Variants in SMC1B observed in about 807,000 individuals in gnomAD.
The protein encoded by SMC1B is structural maintenance of chromosomes protein 1B.
In SMC1B, 60 loss-of-function variants were observed where a neutral mutation model predicts 157.9. The ratio of observed to expected loss-of-function variants is 0.38; its 90% CI spans 0.31 to 0.47. The LOEUF (loss-of-function observed/expected upper bound fraction) is 0.47. Among genes scored for constraint, SMC1B ranks in the 20% least tolerant of loss-of-function variants. SMC1B has a pLI of 0.99. For missense variants in SMC1B, 1,165 were observed against 1,426.2 expected (o/e 0.82, Z 2.95); for synonymous variants, 445 against 483.0 (o/e 0.92, Z 1.03).
rs750147692 is a variant in SMC1B, at chr22:45,362,971, T to G, written c.2476A>C (p.Ser826Arg). ...TTATTCAGTTTCTTCTTAAGGTGAC[T>G]GCGACTATACTCAAGTTGAACATTA... ...RLNVQLEYSR[S>R]HLKKKLNKIN... Residue 826 changes from serine (S) to arginine (R), a missense_variant, in exon 16 of 25, where the codon AGT (serine) becomes CGT (arginine). Coordinates refer to ENST00000357450, the MANE Select transcript of SMC1B (RefSeq NM_148674.5). The G allele has an allele frequency of 1.2e-6, 2 of 1,602,064 alleles. No homozygotes were observed. Among genetic ancestry groups the G allele is most frequent in the Non-Finnish European group, 1.7e-6 (2 of 1,175,508 alleles).
chr22:45,362,313 G>A (rs1009703895), intron 16 of SMC1B, among the ~76,000 whole-genome samples: 6 of 151,998 alleles, frequency 3.9e-5, no homozygotes, highest in Admixed American at 3.9e-4. Flanking sequence ...AGACTTTTAC[G>A]TTTTTGACAG....
intron 5 of SMC1B, among the ~76,000 whole-genome samples, chr22:45,401,043 G>A (rs993343875): frequency 1.3e-5 from 2 of 152,040 alleles, no homozygotes; most frequent in African/African-American, 4.8e-5. Context: ...AATGTAATAT[G>A]GTATTCTGGA....
At chr22:45,393,493 A>T in intron 9 of SMC1B, 141 bp downstream of exon 9, 1 of 653,732 alleles carries the variant, frequency 1.5e-6, no homozygotes, top group Non-Finnish European at 2.5e-6. Context: ...ATAAAGAGTC[A>T]AACACAAAAC....
intron 1 of SMC1B, among the ~76,000 whole-genome samples, chr22:45,412,924 T>C (rs2087363051): frequency 6.6e-6 from 1 of 152,074 alleles, no homozygotes; most frequent in Non-Finnish European, 1.5e-5. Flanking sequence ...TCACTTCAAC[T>C]TCGGATGAGA....
At chr22:45,389,000 AAAAAG>A (rs1465883165) in intron 10 of SMC1B, among the ~76,000 whole-genome samples, 9 of 148,966 alleles carry the variant, frequency 6.0e-5, no homozygotes, top group African/African-American at 2.0e-4. Context: ...AAAAAAAAAA[AAAAAG>A]AAAAAGAAAA....
intron 12 of SMC1B, among the ~76,000 whole-genome samples, chr22:45,380,750 G>A (rs146504139): frequency 6.8e-4 from 103 of 151,874 alleles, no homozygotes; most frequent in African/African-American, 2.2e-3. Context: ...AGGCCCTGTC[G>A]CTACAAAAAA....
Position 45,399,087 on chromosome 22 carries a change from T to C in SMC1B, c.1113+8A>G. On this transcript the variant is annotated splice_region_variant and intron_variant, in intron 6 of 24. Coordinates refer to ENST00000357450, the MANE Select transcript of SMC1B (RefSeq NM_148674.5). Reference sequence around the variant, plus strand: ...ACACAAGATTTCCCCTAAGTTGTCCTTTTTTACCTGACTGGCTTCCAGTTC... The same window carrying C: ...ACACAAGATTTCCCCTAAGTTGTCCCTTTTTACCTGACTGGCTTCCAGTTC... The C allele has an allele frequency of 1.9e-6, 3 of 1,607,746 alleles. No individual in the cohort carries two copies. The highest frequency in any genetic ancestry group is 2.5e-6 in the Non-Finnish European group (3 of 1,178,558).
In SMC1B at chr22:45,383,474, T is replaced by G. The variant is rs2086958368; in HGVS notation, c.2051A>C (p.Glu684Ala). The G allele has an allele frequency of 6.3e-7, 1 of 1,595,806 alleles. No homozygotes were observed. Among genetic ancestry groups the G allele is most frequent in the Non-Finnish European group, 8.5e-7 (1 of 1,174,880 alleles). Residue 684 changes from glutamate to alanine, a missense_variant, in exon 12 of 25, where the codon GAG becomes GCG. Physicochemically the swap from Glu to Ala is moderately radical, Grantham distance 107 (BLOSUM62 -1). Coordinates refer to ENST00000357450, the MANE Select transcript of SMC1B (RefSeq NM_148674.5). ...TTTATGACATGGATTTACCTTTAGC[T>G]CTTGGATTTTCTGGCTTCGTCTGTC... ...LRDRRSQKIQ[E>A]LKGLMKTLRK...
intron 23 of SMC1B, among the ~76,000 whole-genome samples, chr22:45,348,935 C>T (rs1275893364): frequency 1.3e-5 from 2 of 151,790 alleles, no homozygotes; most frequent in South Asian, 4.2e-4. Context: ...AACTCTTGGA[C>T]TCAAGCAATC....
intron 12 of SMC1B, among the ~76,000 whole-genome samples, chr22:45,382,682 A>C (rs1401761994): frequency 6.6e-6 from 1 of 152,238 alleles, no homozygotes; most frequent in Non-Finnish European, 1.5e-5. Context: ...TATGACTAAG[A>C]ACTAATTTAC....
chr22:45,387,163 A>T (rs2086998311), intron 10 of SMC1B, 117 bp from the exon 11 acceptor site: 1 of 905,514 alleles, frequency 1.1e-6, no homozygotes, highest in African/African-American at 1.7e-5. Context: ...AACAGTATGT[A>T]CCCAGCCAGG....
chr22:45,372,109 T>C (rs752768117), intron 13 of SMC1B, 46 bp downstream of exon 13: 1 of 1,489,514 alleles, frequency 6.7e-7, no homozygotes, highest in South Asian at 1.3e-5. Context: ...TGAAATTCTA[T>C]GTTCTGGGTC....
chr22:45,379,243 G>C (rs2086911828), intron 12 of SMC1B, among the ~76,000 whole-genome samples: 1 of 152,198 alleles, frequency 6.6e-6, no homozygotes, highest in African/African-American at 2.4e-5. Flanking sequence ...ACCCACCTTG[G>C]CCTCCCAAAG....
chr22:45,362,306 C>T (rs1399712781), intron 16 of SMC1B, among the ~76,000 whole-genome samples: 1 of 152,162 alleles, frequency 6.6e-6, no homozygotes, highest in Non-Finnish European at 1.5e-5. Flanking sequence ...ATTTTCCAGA[C>T]TTTTACGTTT....
At chr22:45,372,368 ATAATTCACTGATTTT>A in intron 12 of SMC1B, 76 bp from the exon 13 acceptor site, 1 of 1,288,158 alleles carries the variant, frequency 7.8e-7, no homozygotes, top group South Asian at 1.5e-5. Context: ...TTCATATGTA[ATAATTCACTGATTTT>A]TACATACCAC....
intron 20 of SMC1B, among the ~76,000 whole-genome samples, chr22:45,354,637 C>T (rs1007465031): frequency 2.0e-5 from 3 of 152,082 alleles, no homozygotes; most frequent in African/African-American, 7.2e-5. Flanking sequence ...ATGATCCGCC[C>T]ACCTCAGCCT....
At chr22:45,379,240 T>C (rs1445192767) in intron 12 of SMC1B, among the ~76,000 whole-genome samples, 2 of 152,372 alleles carry the variant, frequency 1.3e-5, no homozygotes, top group Non-Finnish European at 2.9e-5. Context: ...TCCACCCACC[T>C]TGGCCTCCCA....
intron 9 of SMC1B, among the ~76,000 whole-genome samples, chr22:45,392,999 C>T (rs1338990055): frequency 6.6e-6 from 1 of 151,994 alleles, no homozygotes. Flanking sequence ...CTGCCCTGGC[C>T]GGTAGGTGTT....
intron 1 of SMC1B, among the ~76,000 whole-genome samples, chr22:45,409,998 T>C (rs979435840): frequency 2.6e-5 from 4 of 152,208 alleles, no homozygotes; most frequent in Non-Finnish European, 4.4e-5. Context: ...ACGCTGCACA[T>C]TGAGTCTTTA....
Sources: allele counts gnomAD v4.1 joint callset (sites outside exome capture counted in the v4.1 genomes callset), GRCh38; gene constraint gnomAD v4.1.1; transcripts MANE v1.5; gene names NCBI Gene and HGNC (gene_info 2026-07-23, HGNC 2026-07-21).